Variants in SRGAP2 observed in about 807,000 individuals in gnomAD.
The protein encoded by SRGAP2 is SLIT-ROBO Rho GTPase-activating protein 2.
SRGAP2 carries 15 observed loss-of-function variants against 57.2 expected under a neutral mutation model. That is an observed-to-expected ratio of 0.26 (90% CI 0.18 to 0.40). The LOEUF (loss-of-function observed/expected upper bound fraction) is 0.40. Among genes scored for constraint, SRGAP2 ranks in the 10% least tolerant of loss-of-function variants. The pLI is 1.00. For missense variants in SRGAP2, 520 were observed against 669.6 expected (o/e 0.78, Z 2.47); for synonymous variants, 249 against 248.0 (o/e 1.00, Z -0.04).
intron 4 of SRGAP2, among the ~76,000 whole-genome samples, chr1:206,357,400 A>G (rs1676520044): frequency 1.3e-5 from 2 of 151,536 alleles, no homozygotes; most frequent in African/African-American, 4.9e-5. Context: ...ATTTTTTTAA[A>G]AATGAGAGTT....
intron 2 of SRGAP2, among the ~76,000 whole-genome samples, chr1:206,286,600 A>G (rs1400358987): frequency 6.6e-6 from 1 of 151,910 alleles, no homozygotes; most frequent in Non-Finnish European, 1.5e-5. Context: ...AAAATGATAA[A>G]CACCTAAATA....
At chr1:206,224,249 AG>A (rs1667148404) in intron 2 of SRGAP2, among the ~76,000 whole-genome samples, 1 of 152,128 alleles carries the variant, frequency 6.6e-6, no homozygotes, top group South Asian at 2.1e-4. Flanking sequence ...TCAAAGGGAA[AG>A]GAATGTGTTA....
At chr1:206,333,291 G>A (rs1387157039) in intron 3 of SRGAP2, 14 of 1,172,850 alleles carry the variant, frequency 1.2e-5, no homozygotes, top group Admixed American at 1.1e-4. Context: ...GTTCCTATTC[G>A]GCCATCTTGG....
In SRGAP2 at chr1:206,446,121, G is replaced by A. The variant is rs1553373639; in HGVS notation, c.1921G>A (p.Ala641Thr). Residue 641 changes from alanine (A) to threonine (T), a missense_variant, in exon 18 of 23, where the codon GCC becomes ACC. Physicochemically the swap from Ala to Thr is moderately conservative, Grantham distance 58 (BLOSUM62 0). Around this residue, in one of 5 missense-constraint regions of SRGAP2, gnomAD observed 478 missense variants for 373.6 expected, o/e 1.28. Transcript: ENST00000573034. ...EENMMDPYNL[A>T]ICFGPSLMSV... ...GAACATGATGGACCCCTACAACCTCGCCATCTGCTTCGGGCCCTCGCTAAT... is the reference window on the plus strand; with the variant it reads ...GAACATGATGGACCCCTACAACCTCACCATCTGCTTCGGGCCCTCGCTAAT... The A allele has an allele frequency of 2.6e-6, 2 of 780,850 alleles. No individual in the cohort carries two copies. The highest frequency in any genetic ancestry group is 1.7e-5 in the Admixed American group (1 of 59,036). 48.4% of individuals were successfully genotyped at this position (780,850 alleles called of 1,614,324 possible).
intron 4 of SRGAP2, among the ~76,000 whole-genome samples, chr1:206,374,169 C>T (rs1208531207): frequency 2.9e-4 from 44 of 150,340 alleles, no homozygotes; most frequent in South Asian, 2.1e-4. Context: ...GGACTACAGG[C>T]GCCCGCCACT....
chr1:206,302,359 T>C lies in SRGAP2; in HGVS notation c.68-922T>C, dbSNP rs1393295613. The stretch of plus-strand genomic sequence containing the variant: ...CAGTGCTGCATTTGAGGCAGATCTG[T>C]TCGCATCTATAGCTGCCTTTGCAGC... On this transcript the variant is annotated intron_variant, in intron 2 of 22. Transcript: ENST00000573034. Among the ~76,000 whole-genome samples the C allele has an allele frequency of 1.5e-4, 23 of 152,270 alleles. No homozygotes were observed. In the East Asian group the frequency reaches 4.4e-3, roughly 29 times the overall value.
chr1:206,327,997 C>T (rs1446099674), intron 3 of SRGAP2, among the ~76,000 whole-genome samples: 1 of 132,290 alleles, frequency 7.6e-6, no homozygotes, highest in Non-Finnish European at 1.5e-5. Context: ...GTGATATTCC[C>T]CTTCCTGTGT....
chr1:206,256,877 C>T (rs1263013086), intron 2 of SRGAP2, among the ~76,000 whole-genome samples: 3 of 151,764 alleles, frequency 2.0e-5, no homozygotes, highest in Non-Finnish European at 2.9e-5. Context: ...TGAGTTACCA[C>T]ATTAGAATCG....
In SRGAP2 at chr1:206,303,886, TCTCACACACACACA is replaced by T. The variant is rs1346648367; in HGVS notation, c.260+415_260+428del. ...TAATCTCTGTCTCTCTCTCTCTCTC[TCTCACACACACACA>T]CACACACACACACACACACTCACAC... is the stretch of plus-strand genomic sequence containing the variant. On this transcript the variant is annotated intron_variant, in intron 3 of 22. Transcript: ENST00000573034. 1.3e-4 allele frequency among the ~76,000 whole-genome samples: 17 copies of T among 132,984 alleles called. No individual in the cohort carries two copies. The East Asian group carries it at 3.6e-3, about 28-fold the overall frequency. 87.2% of individuals were successfully genotyped at this position (132,984 alleles called of 152,430 possible).
intron 16 of SRGAP2, among the ~76,000 whole-genome samples, chr1:206,439,327 C>T (rs1662060776): frequency 6.6e-6 from 1 of 152,094 alleles, no homozygotes; most frequent in South Asian, 2.1e-4. Flanking sequence ...TTCCCAATAT[C>T]ACTACATACC....
chr1:206,376,277 T>G (rs1413698518), intron 4 of SRGAP2, among the ~76,000 whole-genome samples: 1 of 151,738 alleles, frequency 6.6e-6, no homozygotes, highest in Non-Finnish European at 1.5e-5. Flanking sequence ...GAAAGCTGAA[T>G]TATTTCTTAC....
intron 2 of SRGAP2, among the ~76,000 whole-genome samples, chr1:206,230,385 G>C (rs1263256404): frequency 2.1e-5 from 3 of 145,748 alleles, no homozygotes; most frequent in African/African-American, 5.2e-5. Flanking sequence ...GTGTATGCCA[G>C]CGTTGACATT....
intron 2 of SRGAP2, among the ~76,000 whole-genome samples, chr1:206,260,294 TA>T (rs1441811759): frequency 7.1e-6 from 1 of 141,546 alleles, no homozygotes; most frequent in Non-Finnish European, 1.5e-5. Context: ...GTAAGTAGTT[TA>T]AAGCCTGATT....
intron 19 of SRGAP2, among the ~76,000 whole-genome samples, chr1:206,452,072 A>T (rs1202272828): frequency 6.6e-6 from 1 of 152,230 alleles, no homozygotes; most frequent in Non-Finnish European, 1.5e-5. Flanking sequence ...GAAGATAATG[A>T]TAACAATAAG....
chr1:206,459,837 C>G (rs1309985911), intron 22 of SRGAP2, among the ~76,000 whole-genome samples: 1 of 152,170 alleles, frequency 6.6e-6, no homozygotes, highest in African/African-American at 2.4e-5. Context: ...CAGTATTGAG[C>G]TACAGGCCTG....
chr1:206,401,612 G>T lies in SRGAP2; in HGVS notation c.1023G>T (p.Met341Ile). ...EMYNNVFCPP[M>I]KFEFQPHMGD... The stretch of plus-strand genomic sequence containing the variant: ...ACAACAACGTCTTCTGCCCCCCTAT[G>T]AAGTTTGAGTTTCAGCCCCACATGG... Residue 341 changes from methionine to isoleucine, a missense_variant, in exon 8 of 23, where the codon ATG becomes ATT. Met to Ile is a conservative substitution (Grantham distance 10). This residue lies in a region of SRGAP2 where 4 missense variants were observed against 33.7 expected (regional missense o/e 0.12). Transcript: ENST00000573034. 1 of 624,960 alleles carries T rather than the reference G, an allele frequency of 1.6e-6. No individual in the cohort carries two copies. Among genetic ancestry groups the T allele is most frequent in the South Asian group, 1.9e-5 (1 of 51,712 alleles). The allele number at this position is 624,960 out of a possible 1,614,324, so 38.7% of individuals were successfully genotyped here.
rs1664052948 is a variant in SRGAP2 at position 206,458,935 on chromosome 1, G to A, written c.2820G>A (p.Glu940=). The change falls in exon 22 of 23, where the codon GAG becomes GAA. Residue 940 remains glutamate (E), a synonymous_variant. Transcript: ENST00000573034. ...ATAACCATCGGCCCATGGACCCTGA[G>A]GTCATTGCTCAGGTAACTGTGGGCT... ...SFNNHRPMDP[E]VIAQDIEATM... is the part of the protein sequence containing the mutation. The A allele has an allele frequency of 1.3e-6, 1 of 771,734 alleles. No homozygotes were observed. 47.8% of individuals were successfully genotyped at this position (771,734 alleles called of 1,614,324 possible).
intron 5 of SRGAP2, among the ~76,000 whole-genome samples, chr1:206,387,323 G>A (rs1183368561): frequency 6.7e-6 from 1 of 149,610 alleles, no homozygotes; most frequent in African/African-American, 2.5e-5. Flanking sequence ...GGTTAAAAAG[G>A]GTTAATTGGT....
At chr1:206,337,923 C>A (rs1342645953) in intron 3 of SRGAP2, among the ~76,000 whole-genome samples, 1 of 151,860 alleles carries the variant, frequency 6.6e-6, no homozygotes, top group Non-Finnish European at 1.5e-5. Flanking sequence ...TCCCTTTAAG[C>A]GCTTGTTGCT....
Sources: allele counts gnomAD v4.1 joint callset (sites outside exome capture counted in the v4.1 genomes callset), GRCh38; gene constraint gnomAD v4.1.1; regional missense constraint gnomAD v4.1.1; transcripts MANE v1.5; gene names NCBI Gene and HGNC (gene_info 2026-07-23, HGNC 2026-07-21).